Variants in BAZ2B observed in about 807,000 individuals in gnomAD.
The protein encoded by BAZ2B is bromodomain adjacent to zinc finger domain protein 2B.
BAZ2B carries 91 observed loss-of-function variants against 246.0 expected under a neutral mutation model. That is an observed-to-expected ratio of 0.37 (90% CI 0.31 to 0.44). The LOEUF (loss-of-function observed/expected upper bound fraction) is 0.44, where lower values mean the gene tolerates loss of function less well. Among genes scored for constraint, BAZ2B ranks in the 20% least tolerant of loss-of-function variants. The probability of loss-of-function intolerance (pLI) is 1.00; values close to 1 mark genes in which losing one functional copy is unlikely to be tolerated. For missense variants in BAZ2B, 2,332 were observed against 2,533.7 expected, an observed-to-expected ratio of 0.92 and a Z score of 1.71; for synonymous variants, 855 against 860.0, an observed-to-expected ratio of 0.99 and a Z score of 0.10.
intron 2 of BAZ2B, among the ~76,000 whole-genome samples, chr2:159,508,323 T>G (rs1577923749): frequency 6.6e-6 from 1 of 152,352 alleles, no homozygotes; most frequent in Non-Finnish European, 1.5e-5. Flanking sequence ...TCACAGTGAC[T>G]TCTTACTTTC....
At chr2:159,606,265 T>C (rs563502262) in intron 1 of BAZ2B, among the ~76,000 whole-genome samples, 11 of 152,238 alleles carry the variant, frequency 7.2e-5, no homozygotes, top group Non-Finnish European at 1.5e-4. Flanking sequence ...AACACTTAAC[T>C]TTGGCTCCAA....
intron 34 of BAZ2B, among the ~76,000 whole-genome samples, chr2:159,330,462 T>C (rs2064539373): frequency 6.6e-6 from 1 of 152,186 alleles, no homozygotes; most frequent in Non-Finnish European, 1.5e-5. Flanking sequence ...ATAGGTCAGA[T>C]GACATAGGCA....
intron 3 of BAZ2B, among the ~76,000 whole-genome samples, chr2:159,473,476 T>C (rs1190118335): frequency 6.6e-6 from 1 of 152,140 alleles, no homozygotes; most frequent in Non-Finnish European, 1.5e-5. Context: ...TTAGTCTGGC[T>C]AGCAGTCTAT....
intron 6 of BAZ2B, among the ~76,000 whole-genome samples, chr2:159,442,352 G>T (rs1410800158): frequency 6.6e-6 from 1 of 152,136 alleles, no homozygotes; most frequent in Non-Finnish European, 1.5e-5. Context: ...AGTGAACCAG[G>T]GAGACAGTGA....
intron 2 of BAZ2B, among the ~76,000 whole-genome samples, chr2:159,530,446 T>C (rs944934169): frequency 3.9e-5 from 6 of 152,192 alleles, no homozygotes; most frequent in Non-Finnish European, 8.8e-5. Flanking sequence ...TCTCAGTATA[T>C]CTATAAATAA....
chr2:159,413,811 C>T (rs1006424374), intron 13 of BAZ2B, among the ~76,000 whole-genome samples: 8 of 152,088 alleles, frequency 5.3e-5, no homozygotes, highest in East Asian at 1.9e-4. Context: ...ATATCAAGAA[C>T]GTATCAATGT....
intron 2 of BAZ2B, among the ~76,000 whole-genome samples, chr2:159,550,430 A>G (rs1296633438): frequency 6.6e-6 from 1 of 152,156 alleles, no homozygotes; most frequent in East Asian, 1.9e-4. Context: ...GAAAAAGAGG[A>G]TGTGCACCCA....
At chr2:159,602,997 C>T (rs984806324) in intron 1 of BAZ2B, among the ~76,000 whole-genome samples, 3 of 152,100 alleles carry the variant, frequency 2.0e-5, no homozygotes, top group African/African-American at 7.2e-5. Context: ...ATTAGCCGGG[C>T]ATGGTGGCAT....
chr2:159,646,048 A>G, the BAZ2B span, among the ~76,000 whole-genome samples: 1 of 152,146 alleles, frequency 6.6e-6, no homozygotes, highest in Non-Finnish European at 1.5e-5. Flanking sequence ...TCTGACCAAA[A>G]TTTATTAGGT....
Position 159,581,335 on chromosome 2 carries a change from T to C in BAZ2B, c.-45-25470A>G, listed in dbSNP as rs541671269. Among the ~76,000 whole-genome samples the C allele has an allele frequency of 3.5e-3, 529 of 152,340 alleles. 5 individuals are homozygous for C. Among genetic ancestry groups the C allele is most frequent in the African/African-American group, 0.012 (499 of 41,564 alleles). On this transcript the variant is annotated intron_variant, in intron 1 of 36. Transcript: ENST00000392783. ...CACATGAAAAAATGCTCATCATCACTGGCCATCAGAGAAATGCAAATCAAA... is the reference window on the plus strand; with the variant it reads ...CACATGAAAAAATGCTCATCATCACCGGCCATCAGAGAAATGCAAATCAAA...
chr2:159,574,912 G>A (rs1369566463), intron 1 of BAZ2B, among the ~76,000 whole-genome samples: 2 of 151,932 alleles, frequency 1.3e-5, no homozygotes, highest in Non-Finnish European at 2.9e-5. Flanking sequence ...GGAGGCTGCA[G>A]TGAGCCAAGA....
chr2:159,415,707 T>A (rs1249210255), intron 13 of BAZ2B, among the ~76,000 whole-genome samples: 1 of 152,172 alleles, frequency 6.6e-6, no homozygotes, highest in Non-Finnish European at 1.5e-5. Flanking sequence ...GAAGAAACTG[T>A]GCAACCAAAA....
At chr2:159,503,700 C>T (rs1346975108) in intron 2 of BAZ2B, among the ~76,000 whole-genome samples, 8 of 152,054 alleles carry the variant, frequency 5.3e-5, no homozygotes, top group Admixed American at 5.2e-4. Context: ...CTGCCTCAGC[C>T]TCCCAAGTAG....
intron 5 of BAZ2B, 77 bp from the exon 6 acceptor site, chr2:159,447,052 CAG>C: frequency 9.8e-7 from 1 of 1,019,140 alleles, no homozygotes; most frequent in Non-Finnish European, 1.3e-6. Flanking sequence ...GATATATGTA[CAG>C]TTGGATGAAC....
At chr2:159,560,583 T>C (rs1413887398) in intron 1 of BAZ2B, among the ~76,000 whole-genome samples, 1 of 152,120 alleles carries the variant, frequency 6.6e-6, no homozygotes, top group African/African-American at 2.4e-5. Flanking sequence ...TTTTTTTTTT[T>C]TTTCGAGACA....
chr2:159,354,806 T>C (rs998782017), intron 27 of BAZ2B, among the ~76,000 whole-genome samples: 1 of 152,184 alleles, frequency 6.6e-6, no homozygotes, highest in Non-Finnish European at 1.5e-5. Flanking sequence ...TAGATAACCA[T>C]CTTCAAAGCA....
At chr2:159,426,685 T>C (rs1481141882) in intron 13 of BAZ2B, among the ~76,000 whole-genome samples, 2 of 152,122 alleles carry the variant, frequency 1.3e-5, no homozygotes, top group Admixed American at 1.3e-4. Flanking sequence ...TGGACTACAA[T>C]AGAAAATAGG....
chr2:159,357,921 A>AT (rs1267091428), intron 27 of BAZ2B, among the ~76,000 whole-genome samples: 1 of 152,194 alleles, frequency 6.6e-6, no homozygotes, highest in Admixed American at 6.5e-5. Flanking sequence ...ATGCTGAGAG[A>AT]TTTTGTCACC....
At chr2:159,413,473 C>T (rs909458291) in intron 13 of BAZ2B, among the ~76,000 whole-genome samples, 6 of 151,970 alleles carry the variant, frequency 3.9e-5, no homozygotes, top group African/African-American at 1.2e-4. Context: ...TTTGGGAGGC[C>T]GAGGCAGGCA....
Sources: allele counts gnomAD v4.1 joint callset (sites outside exome capture counted in the v4.1 genomes callset), GRCh38; gene constraint gnomAD v4.1.1; transcripts MANE v1.5; gene names NCBI Gene and HGNC (gene_info 2026-07-23, HGNC 2026-07-21).